Variants in TAFA4 observed in about 807,000 individuals in gnomAD.
TAFA4 encodes the protein chemokine-like protein TAFA-4.
A neutral mutation model predicts 21.1 loss-of-function variants in TAFA4; 20 were observed. The ratio of observed to expected loss-of-function variants is 0.95; its 90% CI spans 0.67 to 1.38. The LOEUF (loss-of-function observed/expected upper bound fraction) is 1.38, where lower values mean the gene tolerates loss of function less well. TAFA4 is among the 40% of genes most tolerant of loss of function. The probability of loss-of-function intolerance (pLI) is 0.00; values close to 1 mark genes in which losing one functional copy is unlikely to be tolerated. For synonymous variants in TAFA4, 71 were observed against 67.4 expected (o/e 1.05, Z -0.26); for missense variants, 211 against 180.9 (o/e 1.17, Z -0.95).
chr3:68,858,590 G>GTC (rs1705125980), intron 3 of TAFA4, among the ~76,000 whole-genome samples: 1 of 151,380 alleles, frequency 6.6e-6, no homozygotes, highest in Non-Finnish European at 1.5e-5. Context: ...GTGTGTGTGT[G>GTC]TGTGTGTGTG....
chr3:68,831,327 G>A (rs758479554), intron 3 of TAFA4, among the ~76,000 whole-genome samples: 11 of 15,506 alleles, frequency 7.1e-4, no homozygotes, highest in Non-Finnish European at 1.3e-3. Context: ...GGCTGGTACC[G>A]TTGTCCCTTT....
intron 1 of TAFA4, among the ~76,000 whole-genome samples, chr3:68,903,672 C>T (rs2089866757): frequency 6.6e-6 from 1 of 152,100 alleles, no homozygotes; most frequent in Admixed American, 6.5e-5. Context: ...ATTTTAGGTT[C>T]AGAGGTGTAT....
chr3:68,745,044 C>A (rs374099785), intron 4 of TAFA4, among the ~76,000 whole-genome samples: 13 of 152,274 alleles, frequency 8.5e-5, no homozygotes, highest in African/African-American at 2.9e-4. Flanking sequence ...ATGGCAAGTG[C>A]TCTCTCAGAA....
At chr3:68,878,760 G>A (rs751662065) in intron 3 of TAFA4, among the ~76,000 whole-genome samples, 31 of 152,170 alleles carry the variant, frequency 2.0e-4, no homozygotes, top group Non-Finnish European at 3.5e-4. Flanking sequence ...TGTCTTTTGC[G>A]TTTTTTAGTT....
At chr3:68,793,670 G>C (rs12638859) in intron 3 of TAFA4, among the ~76,000 whole-genome samples, 6,715 of 152,236 alleles carry the variant, frequency 0.044, 368 homozygotes, top group East Asian at 0.24. Context: ...GTGAAACTTT[G>C]AGCTGGTTTT....
chr3:68,798,626 A>G (rs939607720), intron 3 of TAFA4, among the ~76,000 whole-genome samples: 15 of 152,222 alleles, frequency 9.9e-5, no homozygotes, highest in African/African-American at 3.6e-4. Flanking sequence ...TTTGTTGTTT[A>G]GATTCATATA....
intron 3 of TAFA4, among the ~76,000 whole-genome samples, chr3:68,792,795 C>T (rs1194049619): frequency 6.6e-6 from 1 of 152,094 alleles, no homozygotes; most frequent in African/African-American, 2.4e-5. Flanking sequence ...CACTTATGAA[C>T]AAAATACATT....
At chr3:68,734,426 G>A (rs1702203863) in intron 5 of TAFA4, among the ~76,000 whole-genome samples, 2 of 151,762 alleles carry the variant, frequency 1.3e-5, no homozygotes, top group South Asian at 2.1e-4. Context: ...AGGCAGGGAG[G>A]GTAGAGGGCC....
intron 3 of TAFA4, among the ~76,000 whole-genome samples, chr3:68,828,952 T>C (rs1017146493): frequency 1.3e-5 from 2 of 152,182 alleles, no homozygotes; most frequent in Non-Finnish European, 2.9e-5. Context: ...CCATGTCCTG[T>C]GCTGGTTTTC....
chr3:68,783,240 C>G (rs1023304125), intron 3 of TAFA4, among the ~76,000 whole-genome samples: 3 of 152,184 alleles, frequency 2.0e-5, no homozygotes, highest in Non-Finnish European at 4.4e-5. Context: ...TTGCTCTCAC[C>G]ACTTCCATTC....
At chr3:68,813,929 C>T (rs1266210979) in intron 3 of TAFA4, among the ~76,000 whole-genome samples, 1 of 152,168 alleles carries the variant, frequency 6.6e-6, no homozygotes, top group Non-Finnish European at 1.5e-5. Context: ...AAAATACTGG[C>T]AAACCGAATC....
intron 3 of TAFA4, among the ~76,000 whole-genome samples, chr3:68,780,286 G>A (rs760122707): frequency 3.9e-5 from 6 of 152,152 alleles, no homozygotes; most frequent in African/African-American, 9.7e-5. Flanking sequence ...TTGAGTTAAC[G>A]CTGAAATGAG....
At chr3:68,903,819 C>T (rs373134778) in intron 1 of TAFA4, among the ~76,000 whole-genome samples, 4 of 152,072 alleles carry the variant, frequency 2.6e-5, no homozygotes, top group Non-Finnish European at 4.4e-5. Context: ...CCAAAGGGAC[C>T]GATGGCACAG....
At chr3:68,761,565 G>T (rs1266694107) in intron 3 of TAFA4, among the ~76,000 whole-genome samples, 1 of 152,210 alleles carries the variant, frequency 6.6e-6, no homozygotes, top group Non-Finnish European at 1.5e-5. Context: ...GATGATGCCA[G>T]AAAGATAATG....
chr3:68,780,332 G>T (rs2106795312), intron 3 of TAFA4, among the ~76,000 whole-genome samples: 1 of 152,288 alleles, frequency 6.6e-6, no homozygotes, highest in African/African-American at 2.4e-5. Context: ...AGGCATGATT[G>T]GTTTTGAAAT....
chr3:68,811,181 T>A (rs1049395495), intron 3 of TAFA4, among the ~76,000 whole-genome samples: 4 of 151,998 alleles, frequency 2.6e-5, no homozygotes, highest in Non-Finnish European at 5.9e-5. Flanking sequence ...TCGGTCACCA[T>A]CATCAAAGAC....
intron 4 of TAFA4, among the ~76,000 whole-genome samples, chr3:68,747,907 C>A (rs765974671): frequency 6.6e-6 from 1 of 152,194 alleles, no homozygotes; most frequent in Non-Finnish European, 1.5e-5. Flanking sequence ...CCTTTCCAAG[C>A]CAGACCAAGC....
At chr3:68,882,729 T>C (rs1396336040) in intron 2 of TAFA4, among the ~76,000 whole-genome samples, 1 of 152,230 alleles carries the variant, frequency 6.6e-6, no homozygotes, top group Non-Finnish European at 1.5e-5. Flanking sequence ...CCCCAAATTA[T>C]GTGATTGATA....
rs149575382 is a variant in TAFA4, at chr3:68,787,970, A to G, written c.131-34952T>C. On this transcript the variant is annotated intron_variant, in intron 3 of 5. Coordinates refer to ENST00000295569, the MANE Select transcript of TAFA4 (RefSeq NM_182522.5). ...AGATGTAACTCAATCATCTCTCTCC[A>G]GTGTGTCCGGCAAAATTGGAAGATT... Among the ~76,000 whole-genome samples, 617 of 152,294 alleles carry G rather than the reference A, an allele frequency of 4.1e-3. 3 individuals are homozygous for G. Among genetic ancestry groups the G allele is most frequent in the African/African-American group, 0.014 (599 of 41,562 alleles).
Sources: gnomAD v4.1 joint callset for allele counts (sites outside exome capture counted in the v4.1 genomes callset) on GRCh38, gnomAD v4.1.1 for gene constraint, MANE v1.5 for transcripts, NCBI Gene and HGNC (gene_info 2026-07-23, HGNC 2026-07-21) for gene names.